Variants in GAA observed in about 807,000 individuals in gnomAD.
GAA encodes alpha glucosidase, also known as lysosomal alpha-glucosidase.
GAA carries 88 observed loss-of-function variants against 103.9 expected under a neutral mutation model. That is an observed-to-expected ratio of 0.85 (90% CI 0.71 to 1.01). The LOEUF is 1.01. Ranked by LOEUF, GAA falls within the 50% of genes least tolerant of loss-of-function variation. The probability of loss-of-function intolerance (pLI) is 0.00; values close to 1 mark genes in which losing one functional copy is unlikely to be tolerated. For missense variants in GAA, 1,350 were observed against 1,305.3 expected, an observed-to-expected ratio of 1.03 and a Z score of -0.53; for synonymous variants, 572 against 563.1, an observed-to-expected ratio of 1.02 and a Z score of -0.22.
chr17:80,108,502 G>T lies in GAA; in HGVS notation c.1089G>T (p.Met363Ile). The T allele has an allele frequency of 6.2e-7, 1 of 1,613,060 alleles. No homozygotes were observed. The highest frequency in any genetic ancestry group is 8.5e-7 in the Non-Finnish European group (1 of 1,179,976). ...QYLDVVGYPF[M>I]PPYWGLGFHL... Reference sequence around the variant, plus strand: ...GTTGGCCTGCAGGATACCCGTTCATGCCGCCATACTGGGGCCTGGGCTTCC... The same window carrying T: ...GTTGGCCTGCAGGATACCCGTTCATTCCGCCATACTGGGGCCTGGGCTTCC... Residue 363 changes from methionine (M) to isoleucine (I), a missense_variant, in exon 7 of 20, where the codon ATG becomes ATT. By Grantham distance (10) the Met-to-Ile change is conservative. Coordinates refer to ENST00000302262, the MANE Select transcript of GAA (RefSeq NM_000152.5).
At chr17:80,109,805 A>G in intron 8 of GAA, 140 bp from the exon 9 acceptor site, 2 of 651,288 alleles carry the variant, frequency 3.1e-6, no homozygotes, top group Non-Finnish European at 5.4e-6. Flanking sequence ...GTGTGCAGGC[A>G]TGTGCAGGTA....
At chr17:80,117,498 AG>A (rs760030823) in intron 16 of GAA, 101 bp from the exon 17 acceptor site, 844 of 1,377,378 alleles carry the variant, frequency 6.1e-4, no homozygotes, top group Non-Finnish European at 8.1e-4. Flanking sequence ...CAGGCCTCCT[AG>A]GCCTCCACGT....
intron 18 of GAA, 141 bp downstream of exon 18, chr17:80,118,498 G>T: frequency 1.4e-6 from 2 of 1,385,160 alleles, no homozygotes; most frequent in South Asian, 2.3e-5. Context: ...CCTAGAGTGA[G>T]CAGTGGGGCC....
rs2039217885 is a variant in GAA at position 80,110,851 on chromosome 17, C to T, written c.1551+11C>T. 3 of 1,613,596 alleles carry T rather than the reference C, an allele frequency of 1.9e-6. No individual in the cohort carries two copies. Among genetic ancestry groups the T allele is most frequent in the East Asian group, 2.2e-5 (1 of 44,880 alleles). Reference sequence around the variant, plus strand: ...GACGGCATGTGGATTGTAAGTGTGGCCCCCTCCTGAGCATCCCCAAGGCCT... The same window carrying T: ...GACGGCATGTGGATTGTAAGTGTGGTCCCCTCCTGAGCATCCCCAAGGCCT... On this transcript the variant is annotated intron_variant, in intron 10 of 19. Coordinates refer to ENST00000302262, the MANE Select transcript of GAA (RefSeq NM_000152.5).
intron 5 of GAA, 85 bp downstream of exon 5, chr17:80,107,981 T>A: frequency 7.7e-7 from 1 of 1,292,980 alleles, no homozygotes; most frequent in Non-Finnish European, 1.1e-6. Flanking sequence ...TGAGGGGCCC[T>A]GGGCACGGTG....
intron 18 of GAA, 114 bp from the exon 19 acceptor site, chr17:80,118,539 G>A: frequency 3.5e-6 from 5 of 1,431,898 alleles, no homozygotes; most frequent in Non-Finnish European, 4.9e-6. Context: ...TACACAGAGG[G>A]AGGTCACCTC....
At position 80,112,599 on chromosome 17, in the gene GAA, GAC is replaced by G; in HGVS notation, c.1779_1780del (p.Arg594ProfsTer41). ...CCAGGGCGCTGGTGAAGGCTCGGGG[GAC>G]ACGCCCATTTGTGATCTCCCGCTCG... ...SHRALVKARG[T>X]RPFVISRSTF... On this transcript the variant is annotated frameshift_variant, in exon 13 of 20. Coordinates refer to ENST00000302262, the MANE Select transcript of GAA (RefSeq NM_000152.5). LOFTEE classifies it high-confidence loss of function. 1 of 1,613,006 alleles carries G rather than the reference GAC, an allele frequency of 6.2e-7. No individual in the cohort carries two copies. Among genetic ancestry groups the G allele is most frequent in the Non-Finnish European group, 8.5e-7 (1 of 1,179,964 alleles).
chr17:80,116,947 G>C, intron 15 of GAA, 21 bp from the exon 16 acceptor site: 1 of 1,613,524 alleles, frequency 6.2e-7, no homozygotes, highest in Non-Finnish European at 8.5e-7. Context: ...CCGTATGCCT[G>C]TGTGCCCATC....
At chr17:80,109,452 G>C (rs2039176692) in intron 8 of GAA, among the ~76,000 whole-genome samples, 2 of 152,206 alleles carry the variant, frequency 1.3e-5, no homozygotes, top group Non-Finnish European at 2.9e-5. Context: ...CAGAGGAGGA[G>C]GTGGGAGGCA....
chr17:80,101,787 G>C lies in GAA; in HGVS notation c.-136G>C. On this transcript the variant is annotated 5_prime_UTR_variant, in exon 1 of 20. Coordinates refer to ENST00000302262, the MANE Select transcript of GAA (RefSeq NM_000152.5). The stretch of plus-strand genomic sequence containing the variant: ...CAGGTAGGACAGTGACCTCGGTGAC[G>C]CGAAGGACCCCGGCCACCTCTAGGT... 1 of 152,256 alleles carries C rather than the reference G, an allele frequency of 6.6e-6. No individual in the cohort carries two copies. Among genetic ancestry groups the C allele is most frequent in the South Asian group, 2.1e-4 (1 of 4,836 alleles). The allele number at this position is 152,256 out of a possible 1,614,324, so 9.4% of individuals were successfully genotyped here. A position where few individuals can be genotyped will look rare whatever the true frequency, so the allele number is the denominator to read the frequency against.
At position 80,104,758 on chromosome 17, in the gene GAA, C is replaced by T. The variant is rs201185475; in HGVS notation, c.172C>T (p.Gln58Ter). 7 of 1,611,054 alleles carry T rather than the reference C, an allele frequency of 4.3e-6. No homozygotes were observed. Among genetic ancestry groups the T allele is most frequent in the African/African-American group, 1.3e-5 (1 of 75,024 alleles). Residue 58 changes from glutamine to a stop codon, truncating the protein, a stop_gained, in exon 2 of 20, where the codon CAG becomes TAG. Coordinates refer to ENST00000302262, the MANE Select transcript of GAA (RefSeq NM_000152.5). LOFTEE classifies it high-confidence loss of function. This position sits in a 1 kb window ranked among gnomAD's most constrained non-coding sequence, Gnocchi z 4.0. ...VLEETHPAHQQGASRPGPRDA... is the reference protein window; with the variant it reads ...VLEETHPAHQ Reference sequence around the variant, plus strand: ...GGAGGAGACTCACCCAGCTCACCAGCAGGGAGCCAGCAGACCAGGGCCCCG... The same window carrying T: ...GGAGGAGACTCACCCAGCTCACCAGTAGGGAGCCAGCAGACCAGGGCCCCG...
rs2039157400 is a variant in GAA at position 80,108,720 on chromosome 17, C to T, written c.1218C>T (p.Asp406=). The T allele has an allele frequency of 6.2e-7, 1 of 1,612,594 alleles. No individual in the cohort carries two copies. Among genetic ancestry groups the T allele is most frequent in the East Asian group, 2.2e-5 (1 of 44,848 alleles). ...FPLDVQWNDL[D]YMDSRRDFTF... The stretch of plus-strand genomic sequence containing the variant: ...AGGACGTCCAGTGGAACGACCTGGA[C>T]TACATGGACTCCCGGAGGGACTTCA... The change falls in exon 8 of 20, where the codon GAC becomes GAT. Residue 406 remains aspartate, a synonymous_variant. Coordinates refer to ENST00000302262, the MANE Select transcript of GAA (RefSeq NM_000152.5).
chr17:80,104,659 G>T lies in GAA; in HGVS notation c.73G>T (p.Ala25Ser). The T allele has an allele frequency of 6.2e-7, 1 of 1,613,280 alleles. No individual in the cohort carries two copies. Among genetic ancestry groups the T allele is most frequent in the South Asian group, 1.1e-5 (1 of 91,086 alleles). ...CGCCCTCGTGTCCTTGGCAACCGCT[G>T]CACTCCTGGGGCACATCCTACTCCA... ...VCALVSLATA[A>S]LLGHILLHDF... The change falls in exon 2 of 20, where the codon GCA (alanine) becomes TCA (serine). Residue 25 changes from alanine to serine, a missense_variant. Coordinates refer to ENST00000302262, the MANE Select transcript of GAA (RefSeq NM_000152.5). This position sits in a 1 kb window ranked among gnomAD's most constrained non-coding sequence, Gnocchi z 4.0.
In GAA at chr17:80,105,865, C is replaced by G. The variant is rs142878958; in HGVS notation, c.663C>G (p.Ile221Met). 3 of 1,603,942 alleles carry G rather than the reference C, an allele frequency of 1.9e-6. No homozygotes were observed. The highest frequency in any genetic ancestry group is 2.5e-6 in the Non-Finnish European group (3 of 1,177,620). The change falls in exon 3 of 20, where the codon ATC (isoleucine) becomes ATG (methionine). Residue 221 changes from isoleucine to methionine, a missense_variant. Ile to Met is a conservative substitution (Grantham distance 10). Coordinates refer to ENST00000302262, the MANE Select transcript of GAA (RefSeq NM_000152.5). ...TCTCCGAGGAGCCCTTCGGGGTGAT[C>G]GTGCGCCGGCAGCTGGACGGCCGCG... ...VEFSEEPFGVIVRRQLDGRVL... is the reference protein window; with the variant it reads ...VEFSEEPFGVMVRRQLDGRVL...
Position 80,107,860 on chromosome 17 carries a change from GCA to G in GAA, c.923_924del (p.His308ArgfsTer21). On this transcript the variant is annotated frameshift_variant, in exon 5 of 20. Transcript: ENST00000302262. LOFTEE classifies it high-confidence loss of function. ...CCTGGCGCTGGAGGACGGCGGGTCG[GCA>G]CACGGGGTGTTCCTGCTAAACAGCA... ...FYLALEDGGSAHGVFLLNSNA... is the reference protein window; with the variant it reads ...FYLALEDGGSXHGVFLLNSNA... The G allele has an allele frequency of 6.2e-7, 1 of 1,611,658 alleles. No homozygotes were observed. The highest frequency in any genetic ancestry group is 8.5e-7 in the Non-Finnish European group (1 of 1,179,698).
chr17:80,109,964 C>G lies in GAA; in HGVS notation c.1346C>G (p.Ser449Trp). The G allele has an allele frequency of 6.2e-7, 1 of 1,613,248 alleles. No homozygotes were observed. Among genetic ancestry groups the G allele is most frequent in the African/African-American group, 1.3e-5 (1 of 75,058 alleles). ...MMIVDPAISS[S>W]GPAGSYRPYD... Reference sequence around the variant, plus strand: ...TCCCAGGATCCTGCCATCAGCAGCTCGGGCCCTGCCGGGAGCTACAGGCCC... The same window carrying G: ...TCCCAGGATCCTGCCATCAGCAGCTGGGGCCCTGCCGGGAGCTACAGGCCC... Residue 449 changes from serine to tryptophan, a missense_variant, in exon 9 of 20, where the codon TCG (serine) becomes TGG (tryptophan). Ser to Trp is a radical substitution (Grantham distance 177, BLOSUM62 -3). Coordinates refer to ENST00000302262, the MANE Select transcript of GAA (RefSeq NM_000152.5).
At position 80,105,836 on chromosome 17, in the gene GAA, G is replaced by A. The variant is rs768596085; in HGVS notation, c.634G>A (p.Glu212Lys). The change falls in exon 3 of 20, where the codon GAG (glutamate) becomes AAG (lysine). Residue 212 changes from glutamate to lysine, a missense_variant. By Grantham distance (56) the Glu-to-Lys change is moderately conservative (BLOSUM62 1). Transcript: ENST00000302262. ...SRAPSPLYSV[E>K]FSEEPFGVIV... ...GGCACCGTCCCCACTCTACAGCGTG[G>A]AGTTCTCCGAGGAGCCCTTCGGGGT... 10 of 1,609,448 alleles carry A rather than the reference G, an allele frequency of 6.2e-6. No homozygotes were observed. In the East Asian group the frequency reaches 2.2e-4, roughly 36 times the overall value.
intron 15 of GAA, chr17:80,116,694 C>G (rs1318552978): frequency 1.9e-6 from 1 of 526,042 alleles, no homozygotes; most frequent in African/African-American, 1.9e-5. Flanking sequence ...GAGGCCAGTG[C>G]TGTGTCCATC....
At position 80,105,698 on chromosome 17, in the gene GAA, T is replaced by A. The variant is rs752748880; in HGVS notation, c.547-51T>A. 4 of 1,605,416 alleles carry A rather than the reference T, an allele frequency of 2.5e-6. No individual in the cohort carries two copies. In the East Asian group the frequency reaches 6.7e-5, roughly 27 times the overall value. Reference sequence around the variant, plus strand: ...TGTCCTTGGCGTGCGGGTTGTTCTCTGGAGAGTAAGGTGGCTGTGGGGAAC... The same window carrying A: ...TGTCCTTGGCGTGCGGGTTGTTCTCAGGAGAGTAAGGTGGCTGTGGGGAAC... On this transcript the variant is annotated intron_variant, in intron 2 of 19. Coordinates refer to ENST00000302262, the MANE Select transcript of GAA (RefSeq NM_000152.5).
Sources: gnomAD v4.1 joint callset for allele counts (sites outside exome capture counted in the v4.1 genomes callset) on GRCh38, gnomAD v4.1.1 for gene constraint, Gnocchi (gnomAD v3.1) non-coding constraint, MANE v1.5 for transcripts, NCBI Gene and HGNC (gene_info 2026-07-23, HGNC 2026-07-21) for gene names.